Variants in SLC17A4 observed in about 807,000 individuals in gnomAD.
SLC17A4 encodes the protein solute carrier family 17 member 4, also known as probable small intestine urate exporter.
Under a neutral mutation model 52.5 loss-of-function variants are expected in SLC17A4, and 33 were observed. That is an observed-to-expected ratio of 0.63 (90% CI 0.48 to 0.84). The LOEUF is 0.84. Among genes scored for constraint, SLC17A4 ranks in the 40% least tolerant of loss-of-function variants. The pLI is 0.00. For synonymous variants in SLC17A4, 225 were observed against 216.2 expected (o/e 1.04, Z -0.36); for missense variants, 585 against 597.1 (o/e 0.98, Z 0.21).
chr6:25,774,475 A>C (rs1383621344), intron 8 of SLC17A4, among the ~76,000 whole-genome samples: 2 of 152,198 alleles, frequency 1.3e-5, no homozygotes, highest in Non-Finnish European at 2.9e-5. Flanking sequence ...CCTTCTTAGC[A>C]GTAGTCAGCA....
At chr6:25,774,942 A>G (rs1762777782) in intron 8 of SLC17A4, among the ~76,000 whole-genome samples, 1 of 152,210 alleles carries the variant, frequency 6.6e-6, no homozygotes, top group African/African-American at 2.4e-5. Context: ...TATACAACAG[A>G]GGAGTCTCCT....
At chr6:25,777,899 T>C (rs1237622398) in intron 10 of SLC17A4, 27 bp from the exon 11 acceptor site, 1 of 1,583,134 alleles carries the variant, frequency 6.3e-7, no homozygotes, top group Non-Finnish European at 8.7e-7. Context: ...TACTTGGTTA[T>C]AATAGAGTAC....
intron 1 of SLC17A4, among the ~76,000 whole-genome samples, chr6:25,756,145 A>G (rs973023531): frequency 2.0e-5 from 3 of 152,060 alleles, no homozygotes; most frequent in Admixed American, 6.5e-5. Context: ...TACCAGGCCT[A>G]TAGGACCCAA....
At chr6:25,775,331 T>TAA (rs34991353) in intron 8 of SLC17A4, among the ~76,000 whole-genome samples, 68 of 147,670 alleles carry the variant, frequency 4.6e-4, no homozygotes, top group South Asian at 1.7e-3. Context: ...AAACTCTGTC[T>TAA]AAAAAAAAAA....
At position 25,770,310 on chromosome 6, in the gene SLC17A4, T is replaced by C; in HGVS notation, c.531+10T>C. 1 of 1,613,860 alleles carries C rather than the reference T, an allele frequency of 6.2e-7. No individual in the cohort carries two copies. Among genetic ancestry groups the C allele is most frequent in the African/African-American group, 1.3e-5 (1 of 75,040 alleles). ...ACAAGGCATAGCCCAGGTACCAAGA[T>C]GTTTTCCAGGTATAAGTGGAATATA... On this transcript the variant is annotated intron_variant, in intron 4 of 11. Transcript: ENST00000377905.
chr6:25,764,988 C>G (rs750585394), intron 2 of SLC17A4, among the ~76,000 whole-genome samples: 2 of 152,126 alleles, frequency 1.3e-5, no homozygotes, highest in Non-Finnish European at 2.9e-5. Flanking sequence ...CTCCTCCTCC[C>G]CACCCCTGCC....
At chr6:25,755,843 G>A (rs764526620) in intron 1 of SLC17A4, among the ~76,000 whole-genome samples, 7 of 151,962 alleles carry the variant, frequency 4.6e-5, no homozygotes, top group African/African-American at 7.3e-5. Flanking sequence ...TGCTCATTTC[G>A]CCAACTTCTT....
Position 25,779,308 on chromosome 6 carries a change from C to T in SLC17A4, c.*120C>T. 1 of 1,386,768 alleles carries T rather than the reference C, an allele frequency of 7.2e-7. No homozygotes were observed. Among genetic ancestry groups the T allele is most frequent in the Non-Finnish European group, 9.7e-7 (1 of 1,026,310 alleles). The allele number at this position is 1,386,768 out of a possible 1,614,324, so 85.9% of individuals were successfully genotyped here. ...TTAGCTAGACCCTGACTATGTAACG[C>T]TAAAGATTTTACCATGCCTGGAAAT... On this transcript the variant is annotated 3_prime_UTR_variant, in exon 12 of 12. Transcript: ENST00000377905.
intron 2 of SLC17A4, among the ~76,000 whole-genome samples, chr6:25,767,554 AG>A (rs1762125743): frequency 6.6e-6 from 1 of 152,194 alleles, no homozygotes; most frequent in Non-Finnish European, 1.5e-5. Context: ...GTCTGATTCT[AG>A]GATTAAAATA....
intron 2 of SLC17A4, among the ~76,000 whole-genome samples, chr6:25,764,297 G>A (rs1372084038): frequency 6.6e-6 from 1 of 152,140 alleles, no homozygotes; most frequent in African/African-American, 2.4e-5. Context: ...GGGTGGGAAA[G>A]GCACTGAGAA....
At chr6:25,766,297 A>G (rs1762013401) in intron 2 of SLC17A4, among the ~76,000 whole-genome samples, 1 of 152,054 alleles carries the variant, frequency 6.6e-6, no homozygotes. Context: ...ACAGAAACAA[A>G]CAAATATATT....
intron 6 of SLC17A4, 151 bp from the exon 7 acceptor site, chr6:25,773,124 C>CA (rs1331959756): frequency 3.9e-5 from 27 of 686,746 alleles, no homozygotes; most frequent in African/African-American, 7.1e-5. Context: ...GAGGAAGTAC[C>CA]CTCCCCCATG....
At chr6:25,770,507 G>C in intron 5 of SLC17A4, 36 bp downstream of exon 5, 5 of 1,592,774 alleles carry the variant, frequency 3.1e-6, no homozygotes, top group Non-Finnish European at 4.3e-6. Context: ...TACATGCACT[G>C]TCCAGGAGAA....
At chr6:25,773,763 A>G in intron 8 of SLC17A4, 89 bp downstream of exon 8, 4 of 1,424,270 alleles carry the variant, frequency 2.8e-6, no homozygotes, top group Non-Finnish European at 3.8e-6. Context: ...TCCCATAGTC[A>G]CAAAATCGGG....
intron 2 of SLC17A4, among the ~76,000 whole-genome samples, chr6:25,766,031 A>G (rs1371278062): frequency 6.6e-6 from 1 of 151,720 alleles, no homozygotes; most frequent in East Asian, 1.9e-4. Context: ...TTATAGGGAA[A>G]GTACATAAGT....
intron 8 of SLC17A4, among the ~76,000 whole-genome samples, chr6:25,773,970 G>A (rs1762695604): frequency 6.6e-6 from 1 of 151,930 alleles, no homozygotes; most frequent in Admixed American, 6.6e-5. Flanking sequence ...AGGGCCCTGT[G>A]CAAAAATTTT....
Position 25,779,195 on chromosome 6 carries a change from C to A in SLC17A4, c.*7C>A. On this transcript the variant is annotated 3_prime_UTR_variant, in exon 12 of 12. Coordinates refer to ENST00000377905, the MANE Select transcript of SLC17A4 (RefSeq NM_005495.3). Reference sequence around the variant, plus strand: ...GACATTCACCCACCTCTGAGCAAACCGAGAGATGTGCTAGATCCTGGTGCT... The same window carrying A: ...GACATTCACCCACCTCTGAGCAAACAGAGAGATGTGCTAGATCCTGGTGCT... 1 of 1,613,100 alleles carries A rather than the reference C, an allele frequency of 6.2e-7. No individual in the cohort carries two copies. The highest frequency in any genetic ancestry group is 1.1e-5 in the South Asian group (1 of 90,922).
chr6:25,768,363 T>G, intron 2 of SLC17A4: 2 of 985,774 alleles, frequency 2.0e-6, no homozygotes, highest in Non-Finnish European at 2.4e-6. Context: ...TTCCCGCTGT[T>G]GTCAAACTAA....
chr6:25,757,143 T>C (rs1001213940), intron 1 of SLC17A4, among the ~76,000 whole-genome samples: 1 of 152,200 alleles, frequency 6.6e-6, no homozygotes, highest in African/African-American at 2.4e-5. Context: ...CTAACATCTG[T>C]GGTTTTGAAT....
Sources: allele counts gnomAD v4.1 joint callset (sites outside exome capture counted in the v4.1 genomes callset), GRCh38; gene constraint gnomAD v4.1.1; transcripts MANE v1.5; gene names NCBI Gene and HGNC (gene_info 2026-07-23, HGNC 2026-07-21).